MRPL42: variants seen among roughly 807,000 people sequenced by gnomAD.
MRPL42 encodes the protein mitochondrial ribosomal protein L42, also known as large ribosomal subunit protein mL42.
In MRPL42, 17 loss-of-function variants were observed where a neutral mutation model predicts 17.9. That is an observed-to-expected ratio of 0.95 (90% CI 0.65 to 1.42). The LOEUF is 1.42. Ranked by LOEUF, MRPL42 falls within the 40% of genes most tolerant of loss-of-function variation. MRPL42 has a pLI of 0.00. For missense variants in MRPL42, 177 were observed against 175.2 expected, an observed-to-expected ratio of 1.01 and a Z score of -0.06; for synonymous variants, 59 against 54.4, an observed-to-expected ratio of 1.08 and a Z score of -0.37.
rs999377070 is a variant in MRPL42 at position 93,502,122 on chromosome 12, T to A, written c.*901T>A. The A allele has an allele frequency of 6.6e-6, 1 of 152,152 alleles. No homozygotes were observed. Among genetic ancestry groups the A allele is most frequent in the Non-Finnish European group, 1.5e-5 (1 of 68,032 alleles). The allele number at this position is 152,152 out of a possible 1,614,324, so 9.4% of individuals were successfully genotyped here. A position where few individuals can be genotyped will look rare whatever the true frequency, so the allele number is the denominator to read the frequency against. ...ACCCAAGAATGTGCTTTCCTGGAAA[T>A]TTTTCTAGATAGAATATTATGTAAT... On this transcript the variant is annotated 3_prime_UTR_variant, in exon 6 of 6. Coordinates refer to ENST00000549982, the MANE Select transcript of MRPL42 (RefSeq NM_014050.4).
Position 93,483,851 on chromosome 12 carries a change from G to A in MRPL42, c.220-3646G>A, listed in dbSNP as rs892215386. ...GTAATAACACTTAGCTTAAAATATC[G>A]TGTACAGCTATACAAAAATATTTTC... On this transcript the variant is annotated intron_variant, in intron 4 of 5. Transcript: ENST00000549982. 7.3e-5 allele frequency among the ~76,000 whole-genome samples: 11 copies of A among 151,720 alleles called. No homozygotes were observed. The South Asian group carries it at 8.3e-4, about 11-fold the overall frequency.
At chr12:93,489,424 A>G (rs1252575365) in intron 5 of MRPL42, among the ~76,000 whole-genome samples, 1 of 152,182 alleles carries the variant, frequency 6.6e-6, no homozygotes, top group Non-Finnish European at 1.5e-5. Context: ...ATTTTTTTGT[A>G]TCATTTTCCC....
chr12:93,471,350 G>A (rs1321096882), intron 2 of MRPL42, among the ~76,000 whole-genome samples: 1 of 152,016 alleles, frequency 6.6e-6, no homozygotes, highest in African/African-American at 2.4e-5. Context: ...TTTTAGTAGA[G>A]GTAAAGTTTC....
At chr12:93,497,747 A>AG (rs1174381559) in intron 5 of MRPL42, among the ~76,000 whole-genome samples, 21 of 151,596 alleles carry the variant, frequency 1.4e-4, no homozygotes, top group African/African-American at 5.1e-4. Flanking sequence ...CAGGCAAGAA[A>AG]AAAAAAAAAG....
At chr12:93,487,031 GT>G (rs1430303877) in intron 4 of MRPL42, among the ~76,000 whole-genome samples, 4 of 152,018 alleles carry the variant, frequency 2.6e-5, no homozygotes, top group African/African-American at 9.7e-5. Context: ...GCACAGTAGT[GT>G]GATCACAGGT....
chr12:93,489,406 T>C (rs1040417423), intron 5 of MRPL42, among the ~76,000 whole-genome samples: 4 of 152,184 alleles, frequency 2.6e-5, no homozygotes, highest in Non-Finnish European at 5.9e-5. Context: ...ATCTCTATAA[T>C]AAAAGTGATT....
Position 93,501,190 on chromosome 12 carries a change from G to T in MRPL42, c.398G>T (p.Arg133Leu), listed in dbSNP as rs375418155. 15 of 1,599,994 alleles carry T rather than the reference G, an allele frequency of 9.4e-6. No homozygotes were observed. Among genetic ancestry groups the T allele is most frequent in the African/African-American group, 1.3e-5 (1 of 74,092 alleles). ...WYPHGRYHRC[R>L]KNLNPPKDR ...TTCTTTTCAAGGTATCACAGATGTC[G>T]TAAGAATCTGAATCCTCCAAAAGAC... Residue 133 changes from arginine to leucine, a missense_variant, in exon 6 of 6, where the codon CGT becomes CTT. Arg to Leu is a moderately radical substitution (Grantham distance 102, BLOSUM62 -2). Transcript: ENST00000549982.
intron 5 of MRPL42, among the ~76,000 whole-genome samples, chr12:93,494,242 A>G (rs147878990): frequency 5.0e-4 from 76 of 152,342 alleles, no homozygotes; most frequent in African/African-American, 1.7e-3. Flanking sequence ...ACAGTAGGTT[A>G]CTCTGGCTGC....
At chr12:93,475,163 G>C (rs1051087176) in intron 2 of MRPL42, among the ~76,000 whole-genome samples, 12 of 151,886 alleles carry the variant, frequency 7.9e-5, no homozygotes, top group African/African-American at 2.9e-4. Flanking sequence ...CGCCCAGGCT[G>C]GAGTGCAATG....
Position 93,480,032 on chromosome 12 carries a change from T to G in MRPL42, c.219+560T>G, listed in dbSNP as rs1880383181. On this transcript the variant is annotated intron_variant, in intron 4 of 5. Transcript: ENST00000549982. ...GGATTTTGTATTGTTTTTAATATAA[T>G]TTATTTTTAGTTTGACCCAAGTCTT... 2.0e-5 allele frequency among the ~76,000 whole-genome samples: 3 copies of G among 152,096 alleles called. No individual in the cohort carries two copies. In the South Asian group the frequency reaches 6.2e-4, roughly 31 times the overall value.
At chr12:93,474,364 TGC>T in intron 2 of MRPL42, among the ~76,000 whole-genome samples, 1 of 152,212 alleles carries the variant, frequency 6.6e-6, no homozygotes. Context: ...GGTCTTGAAC[TGC>T]TGGATCAAGC....
rs1592791312 is a variant in MRPL42, at chr12:93,503,373, C to T, written c.*2152C>T. The T allele has an allele frequency of 7.6e-6, 1 of 131,050 alleles. No individual in the cohort carries two copies. The highest frequency in any genetic ancestry group is 2.0e-4 in the East Asian group (1 of 4,924). 8.1% of individuals were successfully genotyped at this position (131,050 alleles called of 1,614,324 possible). A position where few individuals can be genotyped will look rare whatever the true frequency, so the allele number is the denominator to read the frequency against. ...TGGAATATTCTGAGTAGACCAATAG[C>T]AAAAACTGATTTTTTTTTTTTTTTA... On this transcript the variant is annotated 3_prime_UTR_variant, in exon 6 of 6. Coordinates refer to ENST00000549982, the MANE Select transcript of MRPL42 (RefSeq NM_014050.4).
intron 2 of MRPL42, among the ~76,000 whole-genome samples, chr12:93,472,451 C>G (rs896188470): frequency 1.3e-5 from 2 of 152,044 alleles, no homozygotes; most frequent in African/African-American, 4.8e-5. Flanking sequence ...TGGTACACGC[C>G]TGTGGTCCCA....
At chr12:93,485,295 C>T (rs1880689935) in intron 4 of MRPL42, among the ~76,000 whole-genome samples, 1 of 150,556 alleles carries the variant, frequency 6.6e-6, no homozygotes, top group Non-Finnish European at 1.5e-5. Context: ...CCTGAGTAGC[C>T]GGGACTGCAG....
In MRPL42 at chr12:93,502,190, C is replaced by G. The variant is rs2121285202; in HGVS notation, c.*969C>G. 1 of 152,190 alleles carries G rather than the reference C, an allele frequency of 6.6e-6. No homozygotes were observed. Among genetic ancestry groups the G allele is most frequent in the African/African-American group, 2.4e-5 (1 of 41,510 alleles). 9.4% of individuals were successfully genotyped at this position (152,190 alleles called of 1,614,324 possible). A position where few individuals can be genotyped will look rare whatever the true frequency, so the allele number is the denominator to read the frequency against. ...TTTCCTGACTGTCTTAAAGATTATGCTAGCTTTAGAACACATGCAAACAGC... is the reference window on the plus strand; with the variant it reads ...TTTCCTGACTGTCTTAAAGATTATGGTAGCTTTAGAACACATGCAAACAGC... On this transcript the variant is annotated 3_prime_UTR_variant, in exon 6 of 6. Coordinates refer to ENST00000549982, the MANE Select transcript of MRPL42 (RefSeq NM_014050.4).
intron 5 of MRPL42, among the ~76,000 whole-genome samples, chr12:93,489,660 A>C (rs1445166085): frequency 2.6e-5 from 4 of 152,010 alleles, no homozygotes; most frequent in African/African-American, 9.7e-5. Context: ...CAGCCTCCCA[A>C]GTAACTGGGA....
intron 2 of MRPL42, 77 bp from the exon 3 acceptor site, chr12:93,476,877 G>A: frequency 1.5e-6 from 2 of 1,372,676 alleles, no homozygotes; most frequent in East Asian, 2.3e-5. Context: ...GGTTGAATGA[G>A]TAAAACTAGC....
rs755996759 is a variant in MRPL42 at position 93,513,017 on chromosome 12, G to A, written c.*11796G>A. ...TTTAAAAACTTTTTTTTCCCATTCC[G>A]ACCATTATCCCTTTGTAAATCTGGT... On this transcript the variant is annotated 3_prime_UTR_variant, in exon 6 of 6. Coordinates refer to ENST00000549982, the MANE Select transcript of MRPL42 (RefSeq NM_014050.4). 1 of 151,676 alleles carries A rather than the reference G, an allele frequency of 6.6e-6. No individual in the cohort carries two copies. The highest frequency in any genetic ancestry group is 1.5e-5 in the Non-Finnish European group (1 of 67,952). The allele number at this position is 151,676 out of a possible 1,614,324, so 9.4% of individuals were successfully genotyped here.
chr12:93,478,270 C>G (rs1880279758), intron 3 of MRPL42, among the ~76,000 whole-genome samples: 1 of 151,776 alleles, frequency 6.6e-6, no homozygotes, highest in Non-Finnish European at 1.5e-5. Flanking sequence ...ATTTTTGAGA[C>G]AGGGTCTCGC....
Sources: gnomAD v4.1 joint callset for allele counts (sites outside exome capture counted in the v4.1 genomes callset) on GRCh38, gnomAD v4.1.1 for gene constraint, MANE v1.5 for transcripts, NCBI Gene and HGNC (gene_info 2026-07-23, HGNC 2026-07-21) for gene names.